SEC63: variants seen among roughly 807,000 people sequenced by gnomAD.
SEC63 encodes SEC63 protein translocation regulator, also known as translocation protein SEC63 homolog.
A neutral mutation model predicts 116.2 loss-of-function variants in SEC63; 56 were observed. The ratio of observed to expected loss-of-function variants is 0.48; its 90% CI spans 0.39 to 0.60. The LOEUF is 0.60. SEC63 is among the 20% of genes least tolerant of loss of function. The probability of loss-of-function intolerance (pLI) is 0.00; values close to 1 mark genes in which losing one functional copy is unlikely to be tolerated. For missense variants in SEC63, 668 were observed against 900.0 expected (o/e 0.74, Z 3.30); for synonymous variants, 273 against 294.6 (o/e 0.93, Z 0.75).
At chr6:107,939,873 G>A (rs1329633999) in intron 1 of SEC63, among the ~76,000 whole-genome samples, 1 of 152,070 alleles carries the variant, frequency 6.6e-6, no homozygotes, top group Admixed American at 6.6e-5. Flanking sequence ...TGAAAAATTG[G>A]GAAATACTGC....
At chr6:107,939,588 C>G (rs1422018687) in intron 1 of SEC63, among the ~76,000 whole-genome samples, 1 of 152,070 alleles carries the variant, frequency 6.6e-6, no homozygotes, top group Non-Finnish European at 1.5e-5. Context: ...CCCATCTCTA[C>G]TAAAAATACA....
intron 1 of SEC63, among the ~76,000 whole-genome samples, chr6:107,936,111 T>C (rs1770239367): frequency 6.6e-6 from 1 of 152,254 alleles, no homozygotes; most frequent in Non-Finnish European, 1.5e-5. Flanking sequence ...AGCAGGCAGT[T>C]TGATCTATTC....
In SEC63 at chr6:107,894,591, C is replaced by T. The variant is rs75305955; in HGVS notation, c.1441-694G>A. Among the ~76,000 whole-genome samples the T allele has an allele frequency of 7.8e-3, 1,185 of 152,180 alleles. 20 individuals are homozygous for T. The highest frequency in any genetic ancestry group is 0.025 in the African/African-American group (1,033 of 41,510). On this transcript the variant is annotated intron_variant, in intron 14 of 20. Transcript: ENST00000369002. ...CAATCCATTTAGAATCAGTACAGAA[C>T]CAGTAAATTTAGGATTTAAGTCCCA...
chr6:107,911,271 A>T (rs950730354), intron 7 of SEC63, 75 bp downstream of exon 7: 11 of 980,192 alleles, frequency 1.1e-5, no homozygotes, highest in Non-Finnish European at 1.6e-5. Context: ...ATACATTTAA[A>T]ATGTTATAGG....
At chr6:107,940,559 C>G (rs934268140) in intron 1 of SEC63, among the ~76,000 whole-genome samples, 3 of 152,026 alleles carry the variant, frequency 2.0e-5, no homozygotes, top group Admixed American at 1.3e-4. Flanking sequence ...CAAAAAAAAT[C>G]TTCAGAAATT....
chr6:107,951,186 T>C (rs1390085936), intron 1 of SEC63, among the ~76,000 whole-genome samples: 12 of 152,216 alleles, frequency 7.9e-5, no homozygotes. Context: ...ACAGTATTGT[T>C]GGCAATACCA....
At chr6:107,920,618 A>T (rs180999204) in intron 4 of SEC63, among the ~76,000 whole-genome samples, 1 of 152,254 alleles carries the variant, frequency 6.6e-6, no homozygotes, top group East Asian at 1.9e-4. Context: ...ATTTATTTAC[A>T]CGTTTAAATT....
At chr6:107,880,097 C>T (rs991378991) in intron 18 of SEC63, among the ~76,000 whole-genome samples, 17 of 152,160 alleles carry the variant, frequency 1.1e-4, no homozygotes, top group African/African-American at 3.6e-4. Context: ...GCACAATGCC[C>T]CTAACAGATG....
chr6:107,940,010 G>A (rs1458468821), intron 1 of SEC63, among the ~76,000 whole-genome samples: 1 of 152,060 alleles, frequency 6.6e-6, no homozygotes, highest in African/African-American at 2.4e-5. Flanking sequence ...TGGAATATAG[G>A]CTTCATAAGA....
intron 1 of SEC63, among the ~76,000 whole-genome samples, chr6:107,935,531 CA>C (rs1225287085): frequency 2.0e-5 from 3 of 148,586 alleles, no homozygotes; most frequent in Non-Finnish European, 3.0e-5. Flanking sequence ...TGTGTCCACT[CA>C]GGGTTAAATG....
intron 16 of SEC63, among the ~76,000 whole-genome samples, chr6:107,891,547 T>G (rs187883830): frequency 1.3e-5 from 2 of 152,226 alleles, no homozygotes; most frequent in African/African-American, 4.8e-5. Context: ...ACCCACCTTC[T>G]GAAACCTGCT....
intron 2 of SEC63, 132 bp downstream of exon 2, chr6:107,929,283 C>G (rs908187855): frequency 2.1e-4 from 124 of 603,186 alleles, no homozygotes; most frequent in Non-Finnish European, 1.9e-4. Context: ...ACATTTTCTC[C>G]TATCTTACCC....
intron 8 of SEC63, among the ~76,000 whole-genome samples, chr6:107,908,689 A>G (rs1253572854): frequency 6.6e-6 from 1 of 152,262 alleles, no homozygotes; most frequent in Non-Finnish European, 1.5e-5. Context: ...ATTTGCACGC[A>G]TAAGGATTAT....
chr6:107,898,624 C>T (rs941860123), intron 13 of SEC63, among the ~76,000 whole-genome samples: 2 of 152,092 alleles, frequency 1.3e-5, no homozygotes, highest in South Asian at 2.1e-4. Flanking sequence ...GTACTAAATA[C>T]GTGTTTTTGC....
In SEC63 at chr6:107,921,446, A is replaced by G. The variant is rs181214538; in HGVS notation, c.452+351T>C. 4.6e-3 allele frequency among the ~76,000 whole-genome samples: 703 copies of G among 151,336 alleles called. 7 individuals are homozygous for G. The highest frequency in any genetic ancestry group is 0.016 in the African/African-American group (641 of 41,326). ...ATTTTAATATTTTATTAAAACAGAA[A>G]ACTATCCTTTTTTTTTTTTTCTTTA... On this transcript the variant is annotated intron_variant, in intron 4 of 20. Coordinates refer to ENST00000369002, the MANE Select transcript of SEC63 (RefSeq NM_007214.5).
At chr6:107,906,909 C>CACTGACAAG (rs1787160704) in intron 8 of SEC63, 132 bp from the exon 9 acceptor site, 1 of 708,664 alleles carries the variant, frequency 1.4e-6, no homozygotes, top group Admixed American at 2.3e-5. Context: ...ATCTGAACTC[C>CACTGACAAG]ACTGACAAGT....
chr6:107,884,708 T>C (rs1786489182), intron 16 of SEC63, among the ~76,000 whole-genome samples: 1 of 152,098 alleles, frequency 6.6e-6, no homozygotes, highest in Non-Finnish European at 1.5e-5. Context: ...CCAGCATAAA[T>C]CTGATACAAA....
intron 16 of SEC63, 173 bp from the exon 17 acceptor site, chr6:107,883,319 T>A (rs1786454816): frequency 1.4e-6 from 1 of 699,544 alleles, no homozygotes; most frequent in Non-Finnish European, 2.3e-6. Context: ...GATGTGGGAG[T>A]CAGACTAAAG....
Position 107,893,465 on chromosome 6 carries a change from GATA to G in SEC63, c.1674+14_1674+16del. On this transcript the variant is annotated intron_variant, in intron 16 of 20. Coordinates refer to ENST00000369002, the MANE Select transcript of SEC63 (RefSeq NM_007214.5). The stretch of plus-strand genomic sequence containing the variant: ...ATTTTAGCTTAATAATGATAATAAC[GATA>G]ATAATAAACTTACATTCCCAACGAC... 4.4e-6 allele frequency: 7 copies of G among 1,605,496 alleles called. No individual in the cohort carries two copies. Among genetic ancestry groups the G allele is most frequent in the Non-Finnish European group, 6.0e-6 (7 of 1,174,140 alleles).
Sources: gnomAD v4.1 joint callset for allele counts (sites outside exome capture counted in the v4.1 genomes callset) on GRCh38, gnomAD v4.1.1 for gene constraint, MANE v1.5 for transcripts, NCBI Gene and HGNC (gene_info 2026-07-23, HGNC 2026-07-21) for gene names.